ARF3: variants seen among roughly 807,000 people sequenced by gnomAD.
The protein encoded by ARF3 is ARF GTPase 3, also known as ADP-ribosylation factor 3.
A neutral mutation model predicts 19.3 loss-of-function variants in ARF3; 5 were observed. The observed-to-expected ratio is 0.26, with a 90% CI of 0.14 to 0.54. ARF3 has a LOEUF of 0.54. Ranked by LOEUF, ARF3 falls within the 20% of genes least tolerant of loss-of-function variation. ARF3 has a pLI of 0.95. For synonymous variants in ARF3, 71 were observed against 89.2 expected (o/e 0.80, Z 1.15); for missense variants, 77 against 234.2 (o/e 0.33, Z 4.38).
chr12:48,955,761 C>A (rs1243347233), intron 1 of ARF3: 1 of 152,206 alleles, frequency 6.6e-6, no homozygotes, highest in Non-Finnish European at 1.5e-5. Flanking sequence ...CGTCTAGTCT[C>A]TTTGGAAAAG....
chr12:48,955,636 A>T (rs1940550286), intron 1 of ARF3: 1 of 152,172 alleles, frequency 6.6e-6, no homozygotes, highest in Non-Finnish European at 1.5e-5. Context: ...CTTAAACTAC[A>T]GTTAGAAAGC....
In ARF3 at chr12:48,938,476, A is replaced by G. The variant is rs1565705886; in HGVS notation, c.*471T>C. Reference sequence around the variant, plus strand: ...TATATCTCTCTATACATGTATATACAGGCGCACACATGCACGCAAACACAG... The same window carrying G: ...TATATCTCTCTATACATGTATATACGGGCGCACACATGCACGCAAACACAG... On this transcript the variant is annotated 3_prime_UTR_variant, in exon 5 of 5. Transcript: ENST00000256682. 4 of 450,084 alleles carry G rather than the reference A, an allele frequency of 8.9e-6. No individual in the cohort carries two copies. Among genetic ancestry groups the G allele is most frequent in the Non-Finnish European group, 1.3e-5 (3 of 223,362 alleles). The allele number at this position is 450,084 out of a possible 1,614,324, so 27.9% of individuals were successfully genotyped here.
intron 1 of ARF3, among the ~76,000 whole-genome samples, chr12:48,951,007 G>A (rs1419847681): frequency 1.3e-5 from 2 of 151,766 alleles, no homozygotes; most frequent in Admixed American, 6.6e-5. Context: ...GGCTGGTCTC[G>A]AACTCCTGAC....
intron 1 of ARF3, chr12:48,953,286 G>A (rs1011064340): frequency 6.6e-6 from 1 of 152,106 alleles, no homozygotes; most frequent in Non-Finnish European, 1.5e-5. Context: ...TGCTTGAAGA[G>A]AGGAGAGATC....
chr12:48,950,469 G>A (rs955846559), intron 1 of ARF3, among the ~76,000 whole-genome samples: 1 of 152,152 alleles, frequency 6.6e-6, no homozygotes, highest in Non-Finnish European at 1.5e-5. Flanking sequence ...TTACAGGCAT[G>A]AGCCACTGTA....
Position 48,939,167 on chromosome 12 carries a change from A to ACAC in ARF3, c.385-62_385-60dup. The ACAC allele has an allele frequency of 1.5e-5, 23 of 1,547,702 alleles. No individual in the cohort carries two copies. The highest frequency in any genetic ancestry group is 3.5e-4 in the Middle Eastern group (2 of 5,664). ...TCAGGATTTTTTAAAGGCTTCTAGA[A>ACAC]CACCCATCTACCAAAGAAATGTGTA... is the stretch of plus-strand genomic sequence containing the variant. On this transcript the variant is annotated intron_variant, in intron 4 of 4. Coordinates refer to ENST00000256682, the MANE Select transcript of ARF3 (RefSeq NM_001659.3). This position sits in a 1 kb window ranked among gnomAD's most constrained non-coding sequence, Gnocchi z 4.8.
intron 2 of ARF3, among the ~76,000 whole-genome samples, chr12:48,940,486 G>A (rs1372377599): frequency 2.0e-5 from 3 of 152,206 alleles, no homozygotes; most frequent in Non-Finnish European, 2.9e-5. Flanking sequence ...AGTGAAGAAA[G>A]GGAAGTAAGC....
intron 1 of ARF3, among the ~76,000 whole-genome samples, chr12:48,955,055 C>A (rs573426895): frequency 5.9e-5 from 9 of 152,296 alleles, no homozygotes; most frequent in Non-Finnish European, 1.2e-4. Flanking sequence ...ACATACTCAA[C>A]TTTAACCAAC....
chr12:48,943,277 C>G (rs1940298276), intron 1 of ARF3, among the ~76,000 whole-genome samples: 1 of 152,180 alleles, frequency 6.6e-6, no homozygotes, highest in Admixed American at 6.5e-5. Flanking sequence ...CCTCTCTTCT[C>G]TATGGCACAG....
At chr12:48,940,790 C>T (rs944818931) in intron 2 of ARF3, among the ~76,000 whole-genome samples, 158 bp downstream of exon 2, 1 of 152,218 alleles carries the variant, frequency 6.6e-6, no homozygotes, top group African/African-American at 2.4e-5. Flanking sequence ...GCAGCCTCAG[C>T]ACCTGGTAGT....
intron 1 of ARF3, among the ~76,000 whole-genome samples, chr12:48,954,407 T>C (rs575899080): frequency 6.6e-6 from 1 of 152,246 alleles, no homozygotes; most frequent in Non-Finnish European, 1.5e-5. Context: ...TGAGTGTTCA[T>C]ATTATTAGGA....
At position 48,936,658 on chromosome 12, in the gene ARF3, C is replaced by A. The variant is rs1232721705; in HGVS notation, c.*2289G>T. The A allele has an allele frequency of 1.3e-5, 2 of 152,504 alleles. No individual in the cohort carries two copies. Among genetic ancestry groups the A allele is most frequent in the Non-Finnish European group, 2.9e-5 (2 of 68,112 alleles). 9.4% of individuals were successfully genotyped at this position (152,504 alleles called of 1,614,324 possible). The stretch of plus-strand genomic sequence containing the variant: ...TTGGTCCCTGGAGCCCCCAAAAAAA[C>A]AAGGTGAGGGGTGAGGCCTGAAGTG... On this transcript the variant is annotated 3_prime_UTR_variant, in exon 5 of 5. Coordinates refer to ENST00000256682, the MANE Select transcript of ARF3 (RefSeq NM_001659.3).
chr12:48,950,791 G>GT lies in ARF3; in HGVS notation c.-94+6518dup, dbSNP rs373972521. 1.7e-3 allele frequency among the ~76,000 whole-genome samples: 246 copies of GT among 146,850 alleles called. 2 individuals carry two copies. Among genetic ancestry groups the GT allele is most frequent in the East Asian group, 0.014 (69 of 4,986 alleles). On this transcript the variant is annotated intron_variant, in intron 1 of 4. Transcript: ENST00000256682. ...TGTGTTCTTCTGTGTCTGCCTTTTT[G>GT]TTTTTTTTTTGAGACGGAGTTTTTG...
At chr12:48,943,022 A>G (rs833833) in intron 1 of ARF3, among the ~76,000 whole-genome samples, 126,402 of 152,108 alleles carry the variant, frequency 0.83, 53,946 homozygotes, top group East Asian at 1. Context: ...CAGGAGAATC[A>G]CTTGAACCTG....
intron 1 of ARF3, among the ~76,000 whole-genome samples, chr12:48,948,270 CTT>C (rs35020764): frequency 6.9e-6 from 1 of 145,350 alleles, no homozygotes; most frequent in Admixed American, 6.8e-5. Context: ...TTTATATAAT[CTT>C]TTTTTTTTTT....
Position 48,938,689 on chromosome 12 carries a change from C to A in ARF3, c.*258G>T, listed in dbSNP as rs763196163. 1.0e-5 allele frequency: 5 copies of A among 496,064 alleles called. No individual in the cohort carries two copies. In the South Asian group the frequency reaches 1.0e-4, roughly 10 times the overall value. 30.7% of individuals were successfully genotyped at this position (496,064 alleles called of 1,614,324 possible). A position where few individuals can be genotyped will look rare whatever the true frequency, so the allele number is the denominator to read the frequency against. ...AGGGTGAGAGAGAGAGGGGCCACCCCATGAAACCGTAACAACTTTTTGTTT... is the reference window on the plus strand; with the variant it reads ...AGGGTGAGAGAGAGAGGGGCCACCCAATGAAACCGTAACAACTTTTTGTTT... On this transcript the variant is annotated 3_prime_UTR_variant, in exon 5 of 5. Transcript: ENST00000256682.
intron 1 of ARF3, among the ~76,000 whole-genome samples, chr12:48,955,501 T>C (rs1940547704): frequency 6.6e-6 from 1 of 152,240 alleles, no homozygotes; most frequent in Non-Finnish European, 1.5e-5. Context: ...TCTATGCCTA[T>C]TCTGTGCCTC....
In ARF3 at chr12:48,955,844, A is replaced by G. The variant is rs184818702; in HGVS notation, c.-94+1466T>C. 5.3e-5 allele frequency: 8 copies of G among 152,360 alleles called. No individual in the cohort carries two copies. In the East Asian group the frequency reaches 1.5e-3, roughly 29 times the overall value. 9.4% of individuals were successfully genotyped at this position (152,360 alleles called of 1,614,324 possible). A position where few individuals can be genotyped will look rare whatever the true frequency, so the allele number is the denominator to read the frequency against. Reference sequence around the variant, plus strand: ...ATGCTGGGAAACAGGACGCATGTGAATATGTGATACATGGGAGCCTTTCCT... The same window carrying G: ...ATGCTGGGAAACAGGACGCATGTGAGTATGTGATACATGGGAGCCTTTCCT... On this transcript the variant is annotated intron_variant, in intron 1 of 4. Coordinates refer to ENST00000256682, the MANE Select transcript of ARF3 (RefSeq NM_001659.3).
Position 48,939,830 on chromosome 12 carries a change from C to A in ARF3, c.260-51G>T, listed in dbSNP as rs749646436. 1.9e-6 allele frequency: 3 copies of A among 1,610,924 alleles called. No homozygotes were observed. In the African/African-American group the frequency reaches 4.0e-5, roughly 22 times the overall value. ...CTAAGATGACAGGTAACCCCCTCCC[C>A]CCAACCAAAAGACCACACCTGCCTG... On this transcript the variant is annotated intron_variant, in intron 3 of 4. Coordinates refer to ENST00000256682, the MANE Select transcript of ARF3 (RefSeq NM_001659.3). This position sits in a 1 kb window ranked among gnomAD's most constrained non-coding sequence, Gnocchi z 4.8.
Sources: gnomAD v4.1 joint callset for allele counts (sites outside exome capture counted in the v4.1 genomes callset) on GRCh38, gnomAD v4.1.1 for gene constraint, Gnocchi (gnomAD v3.1) non-coding constraint, MANE v1.5 for transcripts, NCBI Gene and HGNC (gene_info 2026-07-23, HGNC 2026-07-21) for gene names.